ROBO2: variants seen among roughly 807,000 people sequenced by gnomAD.
ROBO2 encodes the protein roundabout homolog 2.
Under a neutral mutation model 160.8 loss-of-function variants are expected in ROBO2, and 53 were observed. The observed-to-expected ratio is 0.33, with a 90% confidence interval of 0.26 to 0.41. ROBO2 has a LOEUF of 0.41. Among genes scored for constraint, ROBO2 ranks in the 10% least tolerant of loss-of-function variants. ROBO2 has a pLI of 1.00. For missense variants in ROBO2, 1,577 were observed against 1,722.4 expected (o/e 0.92, Z 1.49); for synonymous variants, 664 against 611.7 (o/e 1.09, Z -1.26).
At chr3:76,266,859 T>A (rs908778588) in intron 2 of ROBO2, among the ~76,000 whole-genome samples, 1 of 152,186 alleles carries the variant, frequency 6.6e-6, no homozygotes, top group Non-Finnish European at 1.5e-5. Context: ...AAACCCCATG[T>A]ATTAAGTAAC....
intron 2 of ROBO2, among the ~76,000 whole-genome samples, chr3:76,891,013 G>T (rs1201207956): frequency 6.6e-6 from 1 of 152,118 alleles, no homozygotes; most frequent in Non-Finnish European, 1.5e-5. Flanking sequence ...CAATTTTAAA[G>T]TTAGGATTGG....
intron 2 of ROBO2, among the ~76,000 whole-genome samples, chr3:76,030,794 G>A (rs2066893962): frequency 6.6e-6 from 1 of 152,168 alleles, no homozygotes; most frequent in African/African-American, 2.4e-5. Context: ...TTGAAGTCAG[G>A]TAGCGTGATG....
intron 2 of ROBO2, among the ~76,000 whole-genome samples, chr3:75,944,942 CTTAT>C (rs899624934): frequency 6.6e-6 from 1 of 152,136 alleles, no homozygotes; most frequent in African/African-American, 2.4e-5. Context: ...TGGATTGCTT[CTTAT>C]TTAACTGTTG....
Position 77,478,157 on chromosome 3 carries a change from G to A in ROBO2, c.546+586G>A, listed in dbSNP as rs984251648. The stretch of plus-strand genomic sequence containing the variant: ...TAGCTCTTTTATAAAATCTCCAGAA[G>A]CTTCTGTTGATCATGCAGTACCTGA... On this transcript the variant is annotated intron_variant, in intron 3 of 25. Transcript: ENST00000461745. 5.3e-5 allele frequency among the ~76,000 whole-genome samples: 8 copies of A among 152,184 alleles called. No individual in the cohort carries two copies. The East Asian group carries it at 1.4e-3, about 26-fold the overall frequency.
At chr3:76,096,617 A>T (rs1160384615) in intron 2 of ROBO2, among the ~76,000 whole-genome samples, 1 of 152,224 alleles carries the variant, frequency 6.6e-6, no homozygotes, top group Non-Finnish European at 1.5e-5. Flanking sequence ...GATAATTAAT[A>T]ATACAAATAA....
chr3:76,132,085 G>A (rs2071243890), intron 2 of ROBO2, among the ~76,000 whole-genome samples: 1 of 152,122 alleles, frequency 6.6e-6, no homozygotes, highest in South Asian at 2.1e-4. Context: ...AAGGATTGCA[G>A]GAGTCAGTGT....
chr3:76,788,068 C>T (rs2063109598), intron 2 of ROBO2, among the ~76,000 whole-genome samples: 1 of 151,026 alleles, frequency 6.6e-6, no homozygotes, highest in African/African-American at 2.4e-5. Context: ...ATCAACCTTC[C>T]CATCATATTT....
At chr3:76,348,271 G>T (rs1308865926) in intron 2 of ROBO2, among the ~76,000 whole-genome samples, 1 of 152,134 alleles carries the variant, frequency 6.6e-6, no homozygotes, top group Admixed American at 6.5e-5. Context: ...CATCTTCTGG[G>T]GAGGCAAGTA....
At chr3:76,508,189 T>C (rs533110040) in intron 2 of ROBO2, among the ~76,000 whole-genome samples, 2 of 152,196 alleles carry the variant, frequency 1.3e-5, no homozygotes, top group Non-Finnish European at 2.9e-5. Context: ...CTTCTGATTT[T>C]CTTAAAACCT....
At chr3:76,182,464 C>T (rs933303863) in intron 2 of ROBO2, among the ~76,000 whole-genome samples, 1 of 152,068 alleles carries the variant, frequency 6.6e-6, no homozygotes, top group African/African-American at 2.4e-5. Context: ...TGAAAGTAGG[C>T]TCAATTCAGG....
chr3:77,107,385 A>G (rs776507350), intron 2 of ROBO2, among the ~76,000 whole-genome samples: 9 of 152,206 alleles, frequency 5.9e-5, no homozygotes, highest in Non-Finnish European at 1.3e-4. Flanking sequence ...GCTTAAATTA[A>G]CACCCAAGTA....
intron 2 of ROBO2, among the ~76,000 whole-genome samples, chr3:76,948,300 A>G (rs1012627593): frequency 4.6e-5 from 7 of 152,040 alleles, no homozygotes; most frequent in African/African-American, 1.4e-4. Flanking sequence ...TTTGAGATTC[A>G]TTTTTGTTTC....
chr3:76,741,732 C>T (rs2093805008), intron 2 of ROBO2, among the ~76,000 whole-genome samples: 1 of 151,890 alleles, frequency 6.6e-6, no homozygotes, highest in African/African-American at 2.4e-5. Context: ...CATGGCATGA[C>T]TTCATAGTCA....
At position 76,738,518 on chromosome 3, in the gene ROBO2, C is replaced by T. The variant is rs375613667; in HGVS notation, c.110-359496C>T. Among the ~76,000 whole-genome samples, 13 of 152,252 alleles carry T rather than the reference C, an allele frequency of 8.5e-5. No homozygotes were observed. In the East Asian group the frequency reaches 1.4e-3, roughly 16 times the overall value. On this transcript the variant is annotated intron_variant, in intron 2 of 26. Transcript: ENST00000487694. ...GACAACCAAAAATGTCTCCAGACAT[C>T]GCCACTTGTCCCCTGGAGGAGGGAG...
At chr3:77,499,359 T>C (rs189342677) in intron 5 of ROBO2, among the ~76,000 whole-genome samples, 26 of 152,266 alleles carry the variant, frequency 1.7e-4, no homozygotes, top group African/African-American at 6.0e-4. Flanking sequence ...ACTGATCTTA[T>C]AGGGTGAAGA....
At chr3:77,514,920 G>T (rs2089838458) in intron 5 of ROBO2, among the ~76,000 whole-genome samples, 1 of 151,678 alleles carries the variant, frequency 6.6e-6, no homozygotes, top group African/African-American at 2.4e-5. Flanking sequence ...ACCCATGAGG[G>T]AAAGCAGAGA....
At chr3:77,245,488 C>T (rs1211983583) in intron 2 of ROBO2, among the ~76,000 whole-genome samples, 2 of 152,124 alleles carry the variant, frequency 1.3e-5, no homozygotes, top group Admixed American at 1.3e-4. Context: ...GGTACAGTGC[C>T]ACATATCTCC....
At chr3:77,340,134 A>G (rs959037212) in intron 2 of ROBO2, among the ~76,000 whole-genome samples, 3 of 152,098 alleles carry the variant, frequency 2.0e-5, no homozygotes, top group Admixed American at 6.6e-5. Flanking sequence ...AGATTGCTCA[A>G]TTCGTATTAG....
intron 5 of ROBO2, among the ~76,000 whole-genome samples, chr3:77,518,113 G>A (rs1201238701): frequency 6.6e-6 from 1 of 151,428 alleles, no homozygotes; most frequent in Non-Finnish European, 1.5e-5. Flanking sequence ...ACTATCAGTA[G>A]TAACTTTGGG....
Sources: gnomAD v4.1 joint callset for allele counts (sites outside exome capture counted in the v4.1 genomes callset) on GRCh38, gnomAD v4.1.1 for gene constraint, MANE v1.5 for transcripts, NCBI Gene and HGNC (gene_info 2026-07-23, HGNC 2026-07-21) for gene names.